The following ABCA6 variants were observed in gnomAD, a reference collection of about 807,000 sequenced individuals.
The protein encoded by ABCA6 is ATP-binding cassette sub-family A member 6.
ABCA6 carries 164 observed loss-of-function variants against 191.2 expected under a neutral mutation model. The ratio of observed to expected loss-of-function variants is 0.86; its 90% CI spans 0.76 to 0.98. The LOEUF (loss-of-function observed/expected upper bound fraction) is 0.98, where lower values mean the gene tolerates loss of function less well. Among genes scored for constraint, ABCA6 ranks in the 50% least tolerant of loss-of-function variants. ABCA6 has a pLI of 0.00. For synonymous variants in ABCA6, 636 were observed against 647.7 expected, an observed-to-expected ratio of 0.98 and a Z score of 0.27; for missense variants, 1,958 against 1,894.1, an observed-to-expected ratio of 1.03 and a Z score of -0.63.
chr17:69,125,066 A>AAAAT, intron 8 of ABCA6, 31 bp from the exon 9 acceptor site: 1 of 1,128,096 alleles, frequency 8.9e-7, no homozygotes, highest in Non-Finnish European at 1.2e-6. Context: ...ATAAATGTTT[A>AAAAT]AAATAAATAA....
At position 69,083,338 on chromosome 17, in the gene ABCA6, T is replaced by C. The variant is rs778981610; in HGVS notation, c.4356-7A>G. 5 of 1,561,790 alleles carry C rather than the reference T, an allele frequency of 3.2e-6. No homozygotes were observed. In the African/African-American group the frequency reaches 6.9e-5, roughly 22 times the overall value. Reference sequence around the variant, plus strand: ...GACTGCCTGGATTGCCTGCCTGCAGTGAGCAAAAAAATTAACAGTATTTAA... The same window carrying C: ...GACTGCCTGGATTGCCTGCCTGCAGCGAGCAAAAAAATTAACAGTATTTAA... On this transcript the variant is annotated splice_region_variant and splice_polypyrimidine_tract_variant and intron_variant, in intron 34 of 38. Transcript: ENST00000284425.
intron 7 of ABCA6, among the ~76,000 whole-genome samples, chr17:69,129,384 C>T (rs1417593254): frequency 3.3e-5 from 5 of 152,082 alleles, no homozygotes; most frequent in South Asian, 2.1e-4. Context: ...TTTGATACAT[C>T]ATTTCATTAG....
intron 6 of ABCA6, among the ~76,000 whole-genome samples, chr17:69,131,049 C>G (rs983461178): frequency 6.6e-6 from 1 of 152,076 alleles, no homozygotes; most frequent in Non-Finnish European, 1.5e-5. Context: ...AGTGTTTTAG[C>G]CCACGTGTCT....
intron 36 of ABCA6, among the ~76,000 whole-genome samples, chr17:69,082,056 C>T (rs570748851): frequency 6.6e-6 from 1 of 152,140 alleles, no homozygotes; most frequent in Admixed American, 6.5e-5. Context: ...CCTTTTCAGA[C>T]CAGCCACTGC....
At position 69,134,777 on chromosome 17, in the gene ABCA6, G is replaced by A. The variant is rs145418902; in HGVS notation, c.461-35C>T. On this transcript the variant is annotated intron_variant, in intron 4 of 38. Transcript: ENST00000284425. ...CAAAGAAAAGCACAGCCAACATTAT[G>A]GGACGAGGGCAGTTGGAGAATATGA... 1.1e-3 allele frequency: 1,555 copies of A among 1,410,586 alleles called. 3 individuals carry two copies. The highest frequency in any genetic ancestry group is 1.5e-3 in the Non-Finnish European group (1,502 of 996,820). The allele number at this position is 1,410,586 out of a possible 1,614,324, so 87.4% of individuals were successfully genotyped here.
At chr17:69,110,993 A>T in intron 16 of ABCA6, 53 bp from the exon 17 acceptor site, 1 of 1,514,910 alleles carries the variant, frequency 6.6e-7, no homozygotes, top group Non-Finnish European at 8.9e-7. Context: ...CCACTATCAC[A>T]AAAGAAGAGC....
chr17:69,087,457 T>C lies in ABCA6; in HGVS notation c.3715A>G (p.Arg1239Gly), dbSNP rs2144616866. The change falls in exon 29 of 39, where the codon AGA becomes GGA. Residue 1239 changes from arginine (R) to glycine (G), a missense_variant. By Grantham distance (125) the Arg-to-Gly change is moderately radical (BLOSUM62 -2). Transcript: ENST00000284425. ...DPVFRISPQS[R>G]DAKPNPEEPI... ...TCTTCTGGATTTGGCTTAGCATCTC[T>C]ACTTTGGGGGGAAATTCTATGGAGA... 1.2e-6 allele frequency: 2 copies of C among 1,613,858 alleles called. No individual in the cohort carries two copies. The highest frequency in any genetic ancestry group is 1.7e-6 in the Non-Finnish European group (2 of 1,179,850).
Position 69,097,039 on chromosome 17 carries a change from A to C in ABCA6, c.3121-238T>G, listed in dbSNP as rs12603837. 8.7e-3 allele frequency among the ~76,000 whole-genome samples: 1,329 copies of C among 152,340 alleles called. 24 individuals are homozygous for C. Among genetic ancestry groups the C allele is most frequent in the East Asian group, 0.068 (350 of 5,184 alleles). The stretch of plus-strand genomic sequence containing the variant: ...CTGTGATAGGCCTGACTCATAACAC[A>C]ACTTTAGCTCATGAATAATGAAAAG... On this transcript the variant is annotated intron_variant, in intron 23 of 38. Coordinates refer to ENST00000284425, the MANE Select transcript of ABCA6 (RefSeq NM_080284.3).
Position 69,128,717 on chromosome 17 carries a change from A to G in ABCA6, c.1021T>C (p.Cys341Arg). Residue 341 changes from cysteine (C) to arginine (R), a missense_variant, in exon 8 of 39, where the codon TGT (cysteine) becomes CGT (arginine). Cys to Arg is a radical substitution (Grantham distance 180, BLOSUM62 -3). Transcript: ENST00000284425. The stretch of plus-strand genomic sequence containing the variant: ...TCATAAAATACAGTGAATCCCAGAC[A>G]TCCCCAAAAGAGGGTAAGGAGAAAC... ...VVFLLTLFWG[C>R]LGFTVFYEQL... is the part of the protein sequence containing the mutation. The G allele has an allele frequency of 1.2e-6, 2 of 1,613,218 alleles. No individual in the cohort carries two copies. Among genetic ancestry groups the G allele is most frequent in the Non-Finnish European group, 8.5e-7 (1 of 1,179,428 alleles).
chr17:69,079,779 GAACA>G (rs1232084863), intron 37 of ABCA6, among the ~76,000 whole-genome samples: 1 of 152,146 alleles, frequency 6.6e-6, no homozygotes. Flanking sequence ...GGCAGAAACA[GAACA>G]GTCAAGAAAA....
At position 69,082,979 on chromosome 17, in the gene ABCA6, G is replaced by A. The variant is rs1270930614; in HGVS notation, c.4510C>T (p.Leu1504Phe). ...IGSIQHLKNK[L>F]GKDYILELKV... The stretch of plus-strand genomic sequence containing the variant: ...AGCTCTAGAATGTAATCCTTGCCAA[G>A]TTTGTTTTTCAGGTGTTGGATGGAG... Residue 1504 changes from leucine (L) to phenylalanine (F), a missense_variant, in exon 36 of 39, where the codon CTT (leucine) becomes TTT (phenylalanine). Transcript: ENST00000284425. 1 of 1,614,064 alleles carries A rather than the reference G, an allele frequency of 6.2e-7. No individual in the cohort carries two copies. The highest frequency in any genetic ancestry group is 8.5e-7 in the Non-Finnish European group (1 of 1,180,022).
At position 69,113,322 on chromosome 17, in the gene ABCA6, G is replaced by A. The variant is rs1314457444; in HGVS notation, c.1941C>T (p.Pro647=). ...LLDEPTTGLD[P]FSRDQVWSLL... Reference sequence around the variant, plus strand: ...GGCTCCACACTTGATCTCTGGAAAAGGGATCCAATCCAGTAGTTGGTTCAT... The same window carrying A: ...GGCTCCACACTTGATCTCTGGAAAAAGGATCCAATCCAGTAGTTGGTTCAT... The change falls in exon 15 of 39, where the codon CCC becomes CCT. Residue 647 remains proline, a synonymous_variant. Transcript: ENST00000284425. The A allele has an allele frequency of 1.3e-6, 2 of 1,593,494 alleles. No homozygotes were observed. Among genetic ancestry groups the A allele is most frequent in the Non-Finnish European group, 1.7e-6 (2 of 1,175,008 alleles).
intron 1 of ABCA6, 41 bp from the exon 2 acceptor site, chr17:69,140,789 G>T: frequency 1.4e-6 from 1 of 740,378 alleles, no homozygotes; most frequent in Non-Finnish European, 2.1e-6. Flanking sequence ...CTTGATCATA[G>T]TGTTGAGGAA....
intron 8 of ABCA6, among the ~76,000 whole-genome samples, 184 bp from the exon 9 acceptor site, chr17:69,125,219 TAGAA>T (rs1212362265): frequency 6.6e-6 from 1 of 151,626 alleles, no homozygotes; most frequent in Non-Finnish European, 1.5e-5. Context: ...GAAAAATAAT[TAGAA>T]AGAAATATTT....
intron 25 of ABCA6, among the ~76,000 whole-genome samples, chr17:69,093,480 A>G (rs952665482): frequency 6.6e-6 from 1 of 152,204 alleles, no homozygotes; most frequent in African/African-American, 2.4e-5. Context: ...ATTGCAACTC[A>G]TATTTTTCCT....
At position 69,105,631 on chromosome 17, in the gene ABCA6, A is replaced by C. The variant is rs985319977; in HGVS notation, c.2574-3T>G. 7 of 1,459,606 alleles carry C rather than the reference A, an allele frequency of 4.8e-6. No homozygotes were observed. The highest frequency in any genetic ancestry group is 6.6e-6 in the Non-Finnish European group (7 of 1,062,844). The allele number at this position is 1,459,606 out of a possible 1,614,324, so 90.4% of individuals were successfully genotyped here. A position where few individuals can be genotyped will look rare whatever the true frequency, so the allele number is the denominator to read the frequency against. On this transcript the variant is annotated splice_polypyrimidine_tract_variant and splice_region_variant and intron_variant, in intron 19 of 38. Transcript: ENST00000284425. ...TTGCGATTCCAAATACCAATAATCT[A>C]AACAATAAAGAAAAATTAGCATATT...
At position 69,102,855 on chromosome 17, in the gene ABCA6, T is replaced by C; in HGVS notation, c.2854A>G (p.Ile952Val). Reference sequence around the variant, plus strand: ...CATACCTTTTGTTTACCAGAAACTATGATAGCTCCATTGTATGAGAGGCCA... The same window carrying C: ...CATACCTTTTGTTTACCAGAAACTACGATAGCTCCATTGTATGAGAGGCCA... ...TDGLSYNGAI[I>V]VSGKQKDYRF... is the part of the protein sequence containing the mutation. The change falls in exon 21 of 39, where the codon ATA (isoleucine) becomes GTA (valine). Residue 952 changes from isoleucine (I) to valine (V), a missense_variant. Coordinates refer to ENST00000284425, the MANE Select transcript of ABCA6 (RefSeq NM_080284.3). 6.3e-7 allele frequency: 1 copy of C among 1,587,162 alleles called. No individual in the cohort carries two copies. Among genetic ancestry groups the C allele is most frequent in the Admixed American group, 1.9e-5 (1 of 52,842 alleles).
intron 8 of ABCA6, 106 bp downstream of exon 8, chr17:69,128,513 T>G: frequency 1.3e-6 from 1 of 779,600 alleles, no homozygotes; most frequent in Non-Finnish European, 1.8e-6. Flanking sequence ...TTTAGAAAAA[T>G]TGTTTAGAAT....
intron 22 of ABCA6, among the ~76,000 whole-genome samples, chr17:69,100,457 A>G (rs531035389): frequency 2.6e-5 from 4 of 152,212 alleles, no homozygotes; most frequent in Non-Finnish European, 4.4e-5. Flanking sequence ...ATAGATTTAT[A>G]TGTAACCAGG....
Sources: gnomAD v4.1 joint callset for allele counts (sites outside exome capture counted in the v4.1 genomes callset) on GRCh38, gnomAD v4.1.1 for gene constraint, MANE v1.5 for transcripts, NCBI Gene and HGNC (gene_info 2026-07-23, HGNC 2026-07-21) for gene names.